CD24: variants seen among roughly 807,000 people sequenced by gnomAD.
The protein encoded by CD24 is CD24 molecule, also known as signal transducer CD24.
CD24 carries 2 observed loss-of-function variants against 3.6 expected under a neutral mutation model. The ratio of observed to expected loss-of-function variants is 0.56; its 90% confidence interval spans 0.23 to 1.77. CD24 has a LOEUF of 1.77. Among genes scored for constraint, CD24 ranks in the 40% most tolerant of loss-of-function variants. The pLI is 0.18. For synonymous variants in CD24, 33 were observed against 44.9 expected (o/e 0.74, Z 1.06); for missense variants, 62 against 93.6 (o/e 0.66, Z 1.39).
At chr6:106,973,605 A>G (rs925477535) in intron 1 of CD24, 3 of 398,300 alleles carry the variant, frequency 7.5e-6, no homozygotes, top group African/African-American at 2.1e-5. Flanking sequence ...GATTAACCCC[A>G]ATCGAAGGCG....
At chr6:106,973,975 G>C (rs1278675186) in intron 1 of CD24, 4 of 398,144 alleles carry the variant, frequency 1.0e-5, no homozygotes, top group Non-Finnish European at 1.8e-5. Flanking sequence ...GCCTCGCAGA[G>C]AGCGCAGCGT....
At chr6:106,976,359 T>G (rs976883968), upstream of CD24, among the ~76,000 whole-genome samples, 1 of 152,200 alleles carries the variant, frequency 6.6e-6, no homozygotes, top group East Asian at 1.9e-4. Context: ...AAAGTAAGTT[T>G]CAGGGAAGCA....
chr6:106,976,359 T>C (rs976883968), upstream of CD24, among the ~76,000 whole-genome samples: 15 of 152,318 alleles, frequency 9.8e-5, no homozygotes, highest in East Asian at 2.9e-3. Context: ...AAAGTAAGTT[T>C]CAGGGAAGCA....
intron 1 of CD24, chr6:106,973,562 A>G (rs2114900078): frequency 2.5e-6 from 1 of 398,100 alleles, no homozygotes; most frequent in African/African-American, 2.1e-5. Context: ...CAGCGCGCCC[A>G]ACTTTGGGGG....
At position 106,970,678 on chromosome 6, in the gene CD24, G is replaced by A. The variant is rs1196926616; in HGVS notation, c.*983C>T. 2.0e-5 allele frequency: 3 copies of A among 152,146 alleles called. No homozygotes were observed. Among genetic ancestry groups the A allele is most frequent in the African/African-American group, 7.2e-5 (3 of 41,434 alleles). The allele number at this position is 152,146 out of a possible 1,614,324, so 9.4% of individuals were successfully genotyped here. ...ATTACAAAAATTAGCCGGGCATGGT[G>A]GCAGGTGCCTGTAATCCCAGCTACT... On this transcript the variant is annotated 3_prime_UTR_variant, in exon 2 of 2. Transcript: ENST00000606017.
At position 106,970,876 on chromosome 6, in the gene CD24, C is replaced by T. The variant is rs1490647662; in HGVS notation, c.*785G>A. On this transcript the variant is annotated 3_prime_UTR_variant, in exon 2 of 2. Transcript: ENST00000606017. ...TCAATGCAATTCTACTCTTTGGAAT[C>T]CGTTTAGCTAAATGAATGTAGTGCT... 2.6e-5 allele frequency: 4 copies of T among 152,202 alleles called. No individual in the cohort carries two copies. The highest frequency in any genetic ancestry group is 2.0e-4 in the Admixed American group (3 of 15,282). The allele number at this position is 152,202 out of a possible 1,614,324, so 9.4% of individuals were successfully genotyped here.
In CD24 at chr6:106,971,323, T is replaced by A. The variant is rs1772966829; in HGVS notation, c.*338A>T. 3.9e-6 allele frequency: 1 copy of A among 253,238 alleles called. No individual in the cohort carries two copies. The highest frequency in any genetic ancestry group is 4.8e-5 in the South Asian group (1 of 20,826). 15.7% of individuals were successfully genotyped at this position (253,238 alleles called of 1,614,324 possible). A position where few individuals can be genotyped will look rare whatever the true frequency, so the allele number is the denominator to read the frequency against. ...TCCATTCCACAATCCCATCCTTTAT[T>A]TCTATTCTTATTTTCAAGGTAGTAT... On this transcript the variant is annotated 3_prime_UTR_variant, in exon 2 of 2. Coordinates refer to ENST00000606017, the MANE Select transcript of CD24 (RefSeq NM_001359084.1).
chr6:106,974,442 G>GCTAA (rs1773053631), intron 1 of CD24, 136 bp downstream of exon 1: 1 of 552,134 alleles, frequency 1.8e-6, no homozygotes, highest in Non-Finnish European at 3.0e-6. Flanking sequence ...CCCCTGGTCA[G>GCTAA]CTAAGCAAGA....
At chr6:106,974,431 TC>T (rs1160143873) in intron 1 of CD24, 146 bp downstream of exon 1, 2 of 531,098 alleles carry the variant, frequency 3.8e-6, no homozygotes, top group African/African-American at 4.0e-5. Flanking sequence ...CATGGCCCTC[TC>T]CCCTGGTCAG....
upstream of CD24, among the ~76,000 whole-genome samples, chr6:106,975,832 T>G (rs1448076791): frequency 6.6e-6 from 1 of 152,248 alleles, no homozygotes; most frequent in East Asian, 1.9e-4. Context: ...GGATACACTT[T>G]TTCGGTCTCT....
intron 1 of CD24, chr6:106,973,469 CG>C: frequency 2.5e-6 from 1 of 394,466 alleles, no homozygotes; most frequent in Non-Finnish European, 4.5e-6. Flanking sequence ...ACGGTTACCC[CG>C]CCAGCGGTGG....
At chr6:106,976,687 C>T (rs1291150121), upstream of CD24, among the ~76,000 whole-genome samples, 2 of 151,984 alleles carry the variant, frequency 1.3e-5, no homozygotes, top group African/African-American at 2.4e-5. Context: ...CTAGTCTCTA[C>T]TAAAATTTAG....
At chr6:106,974,426 C>T (rs1773053190) in intron 1 of CD24, among the ~76,000 whole-genome samples, 152 bp downstream of exon 1, 1 of 152,164 alleles carries the variant, frequency 6.6e-6, no homozygotes, top group Non-Finnish European at 1.5e-5. Flanking sequence ...GTCCACATGG[C>T]CCTCTCCCCT....
intron 1 of CD24, chr6:106,973,826 G>C (rs1019967249): frequency 5.0e-6 from 2 of 398,454 alleles, no homozygotes; most frequent in Non-Finnish European, 4.4e-6. Flanking sequence ...GGGAGACCGC[G>C]CTGGTAGCGG....
intron 1 of CD24, among the ~76,000 whole-genome samples, chr6:106,973,109 T>C (rs1432324104): frequency 6.6e-6 from 1 of 152,168 alleles, no homozygotes; most frequent in East Asian, 1.9e-4. Flanking sequence ...GGACACCTTG[T>C]TTGGGATCCC....
chr6:106,972,372 C>T (rs1381989304), intron 1 of CD24, among the ~76,000 whole-genome samples: 1 of 152,134 alleles, frequency 6.6e-6, no homozygotes, highest in African/African-American at 2.4e-5. Flanking sequence ...GAAATGCAGT[C>T]TTATCTTCTC....
intron 1 of CD24, chr6:106,974,039 G>T: frequency 2.5e-6 from 1 of 397,636 alleles, no homozygotes; most frequent in Non-Finnish European, 4.4e-6. Context: ...TGTTTAAAAA[G>T]GGCCAGATAG....
intron 1 of CD24, chr6:106,973,885 T>C: frequency 5.0e-6 from 2 of 398,544 alleles, no homozygotes. Context: ...CGTCCCACCA[T>C]GCTGCCTCCC....
intron 1 of CD24, chr6:106,973,758 G>C (rs1038149917): frequency 0.027 from 10,823 of 398,380 alleles, 357 homozygotes; most frequent in African/African-American, 0.11. Context: ...CCTCGAGGCA[G>C]CGCTGCGCGG....
Sources: gnomAD v4.1 joint callset for allele counts (sites outside exome capture counted in the v4.1 genomes callset) on GRCh38, gnomAD v4.1.1 for gene constraint, MANE v1.5 for transcripts, NCBI Gene and HGNC (gene_info 2026-07-23, HGNC 2026-07-21) for gene names.